GRIN2A: variants seen among roughly 807,000 people sequenced by gnomAD.
GRIN2A encodes glutamate receptor ionotropic, NMDA 2A.
Under a neutral mutation model 113.4 loss-of-function variants are expected in GRIN2A, and 22 were observed. The observed-to-expected ratio is 0.19, with a 90% CI of 0.14 to 0.28. The LOEUF is 0.28. Among genes scored for constraint, GRIN2A ranks in the 10% least tolerant of loss-of-function variants. GRIN2A has a pLI of 1.00. For missense variants in GRIN2A, 1,502 were observed against 1,887.0 expected, an observed-to-expected ratio of 0.80 and a Z score of 3.78; for synonymous variants, 827 against 738.4, an observed-to-expected ratio of 1.12 and a Z score of -1.94.
chr16:10,049,005 A>C (rs1024930535), intron 2 of GRIN2A, among the ~76,000 whole-genome samples: 3 of 152,150 alleles, frequency 2.0e-5, no homozygotes, highest in Non-Finnish European at 4.4e-5. Flanking sequence ...TCTCTATTCT[A>C]AGCTATTTAC....
intron 2 of GRIN2A, among the ~76,000 whole-genome samples, chr16:10,011,598 C>T (rs2046506643): frequency 6.6e-6 from 1 of 152,212 alleles, no homozygotes; most frequent in African/African-American, 2.4e-5. Context: ...TCAGATCCTC[C>T]TTCATGGATC....
At chr16:9,942,040 C>T (rs1221108252) in intron 2 of GRIN2A, among the ~76,000 whole-genome samples, 1 of 152,174 alleles carries the variant, frequency 6.6e-6, no homozygotes, top group African/African-American at 2.4e-5. Flanking sequence ...TCTCTTGTAT[C>T]AAAACACCCA....
intron 2 of GRIN2A, among the ~76,000 whole-genome samples, chr16:9,958,337 G>A (rs1302992131): frequency 6.6e-6 from 1 of 152,130 alleles, no homozygotes; most frequent in Non-Finnish European, 1.5e-5. Flanking sequence ...TGTGGGCAAT[G>A]TTGGTCTTCT....
At chr16:9,972,170 T>C (rs756176358) in intron 2 of GRIN2A, among the ~76,000 whole-genome samples, 1 of 152,130 alleles carries the variant, frequency 6.6e-6, no homozygotes, top group Non-Finnish European at 1.5e-5. Context: ...CTCAAAGTAG[T>C]TTGCATTTAA....
At chr16:9,964,846 A>G (rs2045519841) in intron 2 of GRIN2A, among the ~76,000 whole-genome samples, 1 of 152,194 alleles carries the variant, frequency 6.6e-6, no homozygotes, top group African/African-American at 2.4e-5. Flanking sequence ...CCTTTACACT[A>G]TAAGCAACAT....
At chr16:9,818,525 G>T (rs1046998065) in intron 10 of GRIN2A, among the ~76,000 whole-genome samples, 6 of 147,748 alleles carry the variant, frequency 4.1e-5, no homozygotes, top group Non-Finnish European at 9.0e-5. Flanking sequence ...GACTAAAAAA[G>T]AAATAGGGAA....
intron 3 of GRIN2A, among the ~76,000 whole-genome samples, chr16:9,902,662 G>T (rs2043951253): frequency 6.6e-6 from 1 of 152,074 alleles, no homozygotes; most frequent in Admixed American, 6.5e-5. Flanking sequence ...CTACACCTCA[G>T]TTGCCCTCTC....
intron 2 of GRIN2A, among the ~76,000 whole-genome samples, chr16:10,151,001 T>C (rs1212481322): frequency 1.3e-5 from 2 of 152,110 alleles, no homozygotes; most frequent in Admixed American, 1.3e-4. Flanking sequence ...CCAGAAGAAG[T>C]CAAAGAAAGT....
chr16:10,090,694 A>T (rs1159257286), intron 2 of GRIN2A, among the ~76,000 whole-genome samples: 1 of 152,168 alleles, frequency 6.6e-6, no homozygotes, highest in Non-Finnish European at 1.5e-5. Flanking sequence ...AGGCAAATTC[A>T]TCTCCATTAA....
At chr16:9,872,174 G>A (rs1353084468) in intron 4 of GRIN2A, among the ~76,000 whole-genome samples, 1 of 152,104 alleles carries the variant, frequency 6.6e-6, no homozygotes, top group African/African-American at 2.4e-5. Context: ...GCTCCATTTT[G>A]CTGTTGGAAA....
intron 3 of GRIN2A, among the ~76,000 whole-genome samples, chr16:9,908,188 G>A (rs1431094862): frequency 6.6e-6 from 1 of 152,100 alleles, no homozygotes; most frequent in Non-Finnish European, 1.5e-5. Flanking sequence ...ACCCGGACAT[G>A]GATTTCTGGT....
At chr16:10,102,738 C>T (rs558159762) in intron 2 of GRIN2A, among the ~76,000 whole-genome samples, 1 of 152,052 alleles carries the variant, frequency 6.6e-6, no homozygotes, top group East Asian at 1.9e-4. Flanking sequence ...TATAGCAACA[C>T]AAGAATGGAC....
chr16:9,869,552 G>A (rs2043219912), intron 4 of GRIN2A, among the ~76,000 whole-genome samples: 1 of 152,166 alleles, frequency 6.6e-6, no homozygotes. Flanking sequence ...CCCTGAAAAT[G>A]ATGTGGATTT....
At chr16:10,064,403 C>A (rs540397091) in intron 2 of GRIN2A, among the ~76,000 whole-genome samples, 4 of 152,144 alleles carry the variant, frequency 2.6e-5, no homozygotes, top group Non-Finnish European at 5.9e-5. Context: ...GCCTGATTCC[C>A]AAAGCCCTGC....
At chr16:10,146,963 C>A (rs924658829) in intron 2 of GRIN2A, among the ~76,000 whole-genome samples, 6 of 152,092 alleles carry the variant, frequency 3.9e-5, no homozygotes, top group Non-Finnish European at 8.8e-5. Flanking sequence ...ATTGGAAATC[C>A]TGAATCTCAG....
chr16:10,077,086 A>C (rs1555475417), intron 2 of GRIN2A, among the ~76,000 whole-genome samples: 1 of 152,186 alleles, frequency 6.6e-6, no homozygotes, highest in Non-Finnish European at 1.5e-5. Context: ...TGTTGCTGGC[A>C]CTGGAGATGG....
chr16:9,899,993 C>A (rs7196874), intron 3 of GRIN2A, among the ~76,000 whole-genome samples: 8 of 152,142 alleles, frequency 5.3e-5, no homozygotes, highest in Non-Finnish European at 1.0e-4. Context: ...GAGGTCATAA[C>A]AGCCATGTCA....
chr16:9,798,176 C>G (rs577161306), intron 11 of GRIN2A, 101 bp downstream of exon 11: 1 of 931,000 alleles, frequency 1.1e-6, no homozygotes, highest in Non-Finnish European at 1.7e-6. Flanking sequence ...TTTTAGGGAG[C>G]AAACTCATCA....
At chr16:9,824,503 T>A (rs1432717018) in intron 9 of GRIN2A, among the ~76,000 whole-genome samples, 1 of 152,210 alleles carries the variant, frequency 6.6e-6, no homozygotes, top group Non-Finnish European at 1.5e-5. Flanking sequence ...CATAGGTCTT[T>A]AAAAATTCAC....
Sources: allele counts gnomAD v4.1 joint callset (sites outside exome capture counted in the v4.1 genomes callset), GRCh38; gene constraint gnomAD v4.1.1; transcripts MANE v1.5; gene names NCBI Gene and HGNC (gene_info 2026-07-23, HGNC 2026-07-21).